NR2F1-AS1: variants seen among roughly 807,000 people sequenced by gnomAD.
The protein encoded by NR2F1-AS1 is NR2F1 antisense RNA 1.
At chr5:93,578,652 G>C (rs1167401106) in intron 1 of NR2F1-AS1, among the ~76,000 whole-genome samples, 1 of 152,146 alleles carries the variant, frequency 6.6e-6, no homozygotes, top group Non-Finnish European at 1.5e-5. Context: ...TCAGCTTAAG[G>C]TTCCGAGGTG....
intron 4 of NR2F1-AS1, among the ~76,000 whole-genome samples, chr5:93,511,490 C>T (rs1751294412): frequency 6.6e-6 from 1 of 152,142 alleles, no homozygotes; most frequent in Non-Finnish European, 1.5e-5. Flanking sequence ...CAGTCAGGTG[C>T]TACTTAACAA....
At chr5:93,413,011 G>A (rs1429338110) in intron 4 of NR2F1-AS1, among the ~76,000 whole-genome samples, 7 of 151,394 alleles carry the variant, frequency 4.6e-5, no homozygotes, top group Non-Finnish European at 1.0e-4. Context: ...CTATGCTGCT[G>A]AGACCCTTCA....
chr5:93,460,321 C>A (rs1750061265), intron 4 of NR2F1-AS1, among the ~76,000 whole-genome samples: 2 of 152,256 alleles, frequency 1.3e-5, no homozygotes, highest in Admixed American at 1.3e-4. Context: ...GTTTCCCAGA[C>A]CCCACGCAGC....
chr5:93,476,256 G>A (rs1750482629), intron 4 of NR2F1-AS1, among the ~76,000 whole-genome samples: 1 of 152,258 alleles, frequency 6.6e-6, no homozygotes, highest in East Asian at 1.9e-4. Context: ...AGTAGCCTTT[G>A]TTCAAAGCCA....
At chr5:93,455,237 CT>C (rs1456523802) in intron 4 of NR2F1-AS1, among the ~76,000 whole-genome samples, 1 of 152,132 alleles carries the variant, frequency 6.6e-6, no homozygotes, top group Non-Finnish European at 1.5e-5. Context: ...AAAGTTTTAT[CT>C]TTTTCTTTTA....
intron 4 of NR2F1-AS1, among the ~76,000 whole-genome samples, chr5:93,517,202 A>C (rs1007347632): frequency 6.6e-6 from 1 of 151,990 alleles, no homozygotes; most frequent in Non-Finnish European, 1.5e-5. Flanking sequence ...ATTGTTTGAT[A>C]CTTTCTTGCT....
At chr5:93,527,545 C>G (rs1001191037) in intron 4 of NR2F1-AS1, among the ~76,000 whole-genome samples, 32 of 152,132 alleles carry the variant, frequency 2.1e-4, no homozygotes, top group African/African-American at 7.2e-4. Flanking sequence ...CCAAGACAAT[C>G]CTAAGCAAAA....
intron 4 of NR2F1-AS1, among the ~76,000 whole-genome samples, chr5:93,427,791 C>T (rs184634176): frequency 1.6e-4 from 24 of 152,232 alleles, no homozygotes; most frequent in African/African-American, 4.6e-4. Flanking sequence ...AAAATGTACA[C>T]GTATGTTTTT....
chr5:93,447,940 A>G (rs556795972), intron 4 of NR2F1-AS1, among the ~76,000 whole-genome samples: 3 of 152,296 alleles, frequency 2.0e-5, no homozygotes, highest in Admixed American at 6.5e-5. Flanking sequence ...TGAGCAAACT[A>G]TAGCAAGGAC....
chr5:93,516,478 A>G (rs544906239), intron 4 of NR2F1-AS1, among the ~76,000 whole-genome samples: 1 of 152,048 alleles, frequency 6.6e-6, no homozygotes, highest in South Asian at 2.1e-4. Flanking sequence ...TAAAGAAAGT[A>G]TTTTAGATGG....
At chr5:93,500,265 G>A (rs988549005) in intron 4 of NR2F1-AS1, among the ~76,000 whole-genome samples, 1 of 152,200 alleles carries the variant, frequency 6.6e-6, no homozygotes, top group Non-Finnish European at 1.5e-5. Flanking sequence ...GCTGACTCTT[G>A]CTAGGGGCTA....
At chr5:93,540,630 AAAGTGACCTGTTATGGTTTTAGTGGAGTT>A (rs1751930684) in intron 4 of NR2F1-AS1, among the ~76,000 whole-genome samples, 1 of 152,218 alleles carries the variant, frequency 6.6e-6, no homozygotes, top group Admixed American at 6.5e-5. Context: ...ACTTAATTCA[AAAGTGACCTGTTATGGTTTTAGTGGAGTT>A]GTGCTAAAAA....
intron 4 of NR2F1-AS1, among the ~76,000 whole-genome samples, chr5:93,427,383 C>T (rs915923369): frequency 1.3e-5 from 2 of 152,142 alleles, no homozygotes; most frequent in African/African-American, 4.8e-5. Flanking sequence ...TACAGTTGTC[C>T]CTCCTGAGGC....
At chr5:93,573,420 C>T (rs918236102) in intron 1 of NR2F1-AS1, among the ~76,000 whole-genome samples, 1 of 152,146 alleles carries the variant, frequency 6.6e-6, no homozygotes, top group African/African-American at 2.4e-5. Flanking sequence ...TGCCCAGATG[C>T]GCCTTTCCAC....
intron 4 of NR2F1-AS1, among the ~76,000 whole-genome samples, chr5:93,463,918 T>G (rs1032578929): frequency 6.6e-6 from 1 of 152,182 alleles, no homozygotes; most frequent in Non-Finnish European, 1.5e-5. Context: ...AGAAGGGACT[T>G]GCCTTGTCTC....
chr5:93,478,336 T>A (rs957540533), intron 4 of NR2F1-AS1, among the ~76,000 whole-genome samples: 14 of 152,202 alleles, frequency 9.2e-5, no homozygotes, highest in African/African-American at 2.4e-5. Context: ...AATGAAGACA[T>A]CCACTGTATC....
chr5:93,477,663 T>C (rs987409942), intron 4 of NR2F1-AS1, among the ~76,000 whole-genome samples: 1 of 152,198 alleles, frequency 6.6e-6, no homozygotes, highest in Non-Finnish European at 1.5e-5. Flanking sequence ...TGCTATCACC[T>C]GTAGCATTCT....
At chr5:93,581,625 TCC>T (rs1386137470), upstream of NR2F1-AS1, among the ~76,000 whole-genome samples, 1 of 128,638 alleles carries the variant, frequency 7.8e-6, no homozygotes, top group Non-Finnish European at 1.6e-5. Flanking sequence ...CTGCCCCTCC[TCC>T]CGCGACCAAT....
upstream of NR2F1-AS1, among the ~76,000 whole-genome samples, chr5:93,581,743 CCTCT>C (rs1162351218): frequency 5.8e-4 from 19 of 32,906 alleles, no homozygotes; most frequent in South Asian, 2.0e-3. Context: ...TCCCCCTCTC[CCTCT>C]CCCTCTCCCT....
Sources: allele counts gnomAD v4.1 joint callset (sites outside exome capture counted in the v4.1 genomes callset), GRCh38; gene constraint gnomAD v4.1.1; transcripts MANE v1.5; gene names NCBI Gene and HGNC (gene_info 2026-07-23, HGNC 2026-07-21).